Variants in SLCO4C1 observed in about 807,000 individuals in gnomAD.
SLCO4C1 encodes organic anion transporter M1.
A neutral mutation model predicts 72.1 loss-of-function variants in SLCO4C1; 58 were observed. The observed-to-expected ratio is 0.80, with a 90% CI of 0.65 to 1.00. The LOEUF (loss-of-function observed/expected upper bound fraction) is 1.00, where lower values mean the gene tolerates loss of function less well. Ranked by LOEUF, SLCO4C1 falls within the 50% of genes least tolerant of loss-of-function variation. The pLI, the probability that SLCO4C1 is intolerant of heterozygous loss-of-function variation, is 0.00. For synonymous variants in SLCO4C1, 297 were observed against 312.5 expected, an observed-to-expected ratio of 0.95 and a Z score of 0.52; for missense variants, 898 against 857.9, an observed-to-expected ratio of 1.05 and a Z score of -0.58.
intron 3 of SLCO4C1, among the ~76,000 whole-genome samples, chr5:102,264,833 C>T (rs1036436019): frequency 5.5e-5 from 4 of 72,102 alleles, no homozygotes; most frequent in African/African-American, 1.7e-4. Flanking sequence ...ATTCTATGAG[C>T]TGATATTTTT....
chr5:102,262,374 A>G (rs1305698877), intron 4 of SLCO4C1, among the ~76,000 whole-genome samples: 1 of 152,176 alleles, frequency 6.6e-6, no homozygotes, highest in Non-Finnish European at 1.5e-5. Context: ...TAAATTAAAT[A>G]TATATCACAG....
chr5:102,251,401 AC>A (rs1389290006), intron 8 of SLCO4C1, among the ~76,000 whole-genome samples: 5 of 152,262 alleles, frequency 3.3e-5, no homozygotes, highest in Admixed American at 6.5e-5. Context: ...ATTAAAGAAA[AC>A]TTTTGGATGT....
rs1273533158 is a variant in SLCO4C1, at chr5:102,263,725, T to G, written c.858A>C (p.Gly286=). 4 of 1,612,842 alleles carry G rather than the reference T, an allele frequency of 2.5e-6. No homozygotes were observed. In the Admixed American group the frequency reaches 5.0e-5, roughly 20 times the overall value. Reference sequence around the variant, plus strand: ...CATCAATGTATATGGTTAGCAGTTGTCCTCCCAATACATAGCCAATAGCAG... The same window carrying G: ...CATCAATGTATATGGTTAGCAGTTGGCCTCCCAATACATAGCCAATAGCAG... ...LGPAIGYVLG[G]QLLTIYIDVA... is the part of the protein sequence containing the mutation. The change falls in exon 4 of 13, where the codon GGA becomes GGC. Residue 286 remains glycine (G), a synonymous_variant. Transcript: ENST00000310954.
rs193292515 is a variant in SLCO4C1 at position 102,253,036 on chromosome 5, C to T, written c.1470-3248G>A. 3.4e-3 allele frequency among the ~76,000 whole-genome samples: 513 copies of T among 152,136 alleles called. 2 individuals are homozygous for T. The highest frequency in any genetic ancestry group is 0.012 in the African/African-American group (493 of 41,518). ...GGCTAAAATTTCCCTAAAACTATTG[C>T]AAAATATTGATATGCCTCTTTAAGA... On this transcript the variant is annotated intron_variant, in intron 8 of 12. Transcript: ENST00000310954.
At position 102,273,339 on chromosome 5, in the gene SLCO4C1, G is replaced by T. The variant is rs115710233; in HGVS notation, c.620-2533C>A. On this transcript the variant is annotated intron_variant, in intron 2 of 12. Coordinates refer to ENST00000310954, the MANE Select transcript of SLCO4C1 (RefSeq NM_180991.5). The stretch of plus-strand genomic sequence containing the variant: ...TTAAAATTGATCTATGATTTAAAAA[G>T]ATATGGAGAATCCCAGGAAAATCTG... 4.9e-3 allele frequency among the ~76,000 whole-genome samples: 739 copies of T among 152,164 alleles called. 7 individuals are homozygous for T. The highest frequency in any genetic ancestry group is 8.5e-3 in the Non-Finnish European group (575 of 67,974).
At position 102,239,395 on chromosome 5, in the gene SLCO4C1, G is replaced by A. The variant is rs370306016; in HGVS notation, c.1877-7C>T. On this transcript the variant is annotated splice_polypyrimidine_tract_variant and splice_region_variant and intron_variant, in intron 11 of 12. Coordinates refer to ENST00000310954, the MANE Select transcript of SLCO4C1 (RefSeq NM_180991.5). Reference sequence around the variant, plus strand: ...ATTGGTCCAGGAATTGTCCCTAAAAGAATTATGGGTGAAATATACAACAGT... The same window carrying A: ...ATTGGTCCAGGAATTGTCCCTAAAAAAATTATGGGTGAAATATACAACAGT... 24 of 1,553,974 alleles carry A rather than the reference G, an allele frequency of 1.5e-5. No homozygotes were observed. Among genetic ancestry groups the A allele is most frequent in the Non-Finnish European group, 2.1e-5 (24 of 1,150,780 alleles).
chr5:102,265,194 G>A (rs1268181815), intron 3 of SLCO4C1, among the ~76,000 whole-genome samples: 1 of 152,024 alleles, frequency 6.6e-6, no homozygotes, highest in Non-Finnish European at 1.5e-5. Context: ...AGTTGTTAAA[G>A]TTCTTTATAT....
Position 102,260,240 on chromosome 5 carries a change from A to G in SLCO4C1, c.1101T>C (p.Ser367=). ...TTAGAGCAGCTGGAAAATCTTTAAT[A>G]CTTTTTCCAAATTTCACATCTGCAT... ...NSNADVKFGK[S]IKDFPAALKN... is the part of the protein sequence containing the mutation. The change falls in exon 6 of 13, where the codon AGT becomes AGC. Residue 367 remains serine, a synonymous_variant. Transcript: ENST00000310954. The G allele has an allele frequency of 7.2e-7, 1 of 1,394,296 alleles. No individual in the cohort carries two copies. The highest frequency in any genetic ancestry group is 9.4e-7 in the Non-Finnish European group (1 of 1,064,658). The allele number at this position is 1,394,296 out of a possible 1,614,324, so 86.4% of individuals were successfully genotyped here. A position where few individuals can be genotyped will look rare whatever the true frequency, so the allele number is the denominator to read the frequency against.
intron 3 of SLCO4C1, among the ~76,000 whole-genome samples, chr5:102,269,407 G>A (rs773073977): frequency 3.3e-5 from 5 of 151,522 alleles, no homozygotes; most frequent in South Asian, 2.1e-4. Context: ...TCAAAAGACC[G>A]CTCTTCGTGG....
At chr5:102,242,176 T>C (rs902537673) in intron 10 of SLCO4C1, among the ~76,000 whole-genome samples, 2 of 152,226 alleles carry the variant, frequency 1.3e-5, no homozygotes, top group Non-Finnish European at 2.9e-5. Flanking sequence ...TAATCTCCTA[T>C]GCAGCAGTCC....
chr5:102,260,761 C>T (rs1248935539), intron 5 of SLCO4C1, among the ~76,000 whole-genome samples: 1 of 151,904 alleles, frequency 6.6e-6, no homozygotes, highest in Admixed American at 6.6e-5. Context: ...TCTCTTAATC[C>T]TAACATGCTT....
chr5:102,247,524 C>T (rs894280087), intron 9 of SLCO4C1, 82 bp from the exon 10 acceptor site: 1 of 885,598 alleles, frequency 1.1e-6, no homozygotes, highest in Non-Finnish European at 1.7e-6. Context: ...CTAGACATGG[C>T]AAACACTCTC....
chr5:102,290,321 T>G (rs1749528488), intron 2 of SLCO4C1, among the ~76,000 whole-genome samples: 1 of 152,240 alleles, frequency 6.6e-6, no homozygotes, highest in South Asian at 2.1e-4. Context: ...GAAATGATTT[T>G]AGGCGTGAGC....
rs1183738607 is a variant in SLCO4C1 at position 102,257,247 on chromosome 5, A to C, written c.1337T>G (p.Phe446Cys). 6.2e-7 allele frequency: 1 copy of C among 1,609,794 alleles called. No individual in the cohort carries two copies. ...CATTGTGTTTTTACATGTCATTCTG[A>C]ATTTTGAAACAAGGAAGCCACCTAA... Reference protein sequence around the residue: ...QILGGFLVSKFRMTCKNTMKF... With the variant: ...QILGGFLVSKCRMTCKNTMKF... The change falls in exon 8 of 13, where the codon TTC becomes TGC. Residue 446 changes from phenylalanine (F) to cysteine (C), a missense_variant. Transcript: ENST00000310954.
At chr5:102,252,327 A>G (rs1041643810) in intron 8 of SLCO4C1, among the ~76,000 whole-genome samples, 1 of 152,176 alleles carries the variant, frequency 6.6e-6, no homozygotes, top group African/African-American at 2.4e-5. Context: ...AACAAATTAA[A>G]GAGAAAAAAA....
At chr5:102,266,346 A>G (rs568887840) in intron 3 of SLCO4C1, among the ~76,000 whole-genome samples, 1 of 152,240 alleles carries the variant, frequency 6.6e-6, no homozygotes, top group East Asian at 1.9e-4. Context: ...ATGTTGAATA[A>G]GAGTGATGAA....
chr5:102,284,693 T>C (rs1251540632), intron 2 of SLCO4C1, among the ~76,000 whole-genome samples: 1 of 152,098 alleles, frequency 6.6e-6, no homozygotes, highest in African/African-American at 2.4e-5. Flanking sequence ...TCCTAATGCC[T>C]CTAGAAACTG....
chr5:102,260,249 A>G lies in SLCO4C1; in HGVS notation c.1092T>C (p.Phe364=). 1 of 1,404,122 alleles carries G rather than the reference A, an allele frequency of 7.1e-7. No homozygotes were observed. The highest frequency in any genetic ancestry group is 9.3e-7 in the Non-Finnish European group (1 of 1,069,728). 87.0% of individuals were successfully genotyped at this position (1,404,122 alleles called of 1,614,324 possible). A position where few individuals can be genotyped will look rare whatever the true frequency, so the allele number is the denominator to read the frequency against. ...HQSNSNADVK[F]GKSIKDFPAA... is the part of the protein sequence containing the mutation. ...CTGGAAAATCTTTAATACTTTTTCC[A>G]AATTTCACATCTGCATTACTATTAC... The change falls in exon 6 of 13, where the codon TTT becomes TTC. Residue 364 remains phenylalanine (F), a synonymous_variant. Coordinates refer to ENST00000310954, the MANE Select transcript of SLCO4C1 (RefSeq NM_180991.5).
In SLCO4C1 at chr5:102,247,423, C is replaced by T. The variant is rs1288480166; in HGVS notation, c.1640G>A (p.Cys547Tyr). 6.4e-7 allele frequency: 1 copy of T among 1,568,658 alleles called. No individual in the cohort carries two copies. The highest frequency in any genetic ancestry group is 8.7e-7 in the Non-Finnish European group (1 of 1,149,478). ...RKPKVYYNCS[C>Y]IERKTEITST... is the part of the protein sequence containing the mutation. ...TGTTATTTCTGTTTTCCTTTCAATACAGGAACAGTTGTAATATACCTAAAA... is the reference window on the plus strand; with the variant it reads ...TGTTATTTCTGTTTTCCTTTCAATATAGGAACAGTTGTAATATACCTAAAA... Residue 547 changes from cysteine (C) to tyrosine (Y), a missense_variant, in exon 10 of 13, where the codon TGT (cysteine) becomes TAT (tyrosine). Physicochemically the swap from Cys to Tyr is radical, Grantham distance 194. Coordinates refer to ENST00000310954, the MANE Select transcript of SLCO4C1 (RefSeq NM_180991.5).
Sources: allele counts gnomAD v4.1 joint callset (sites outside exome capture counted in the v4.1 genomes callset), GRCh38; gene constraint gnomAD v4.1.1; transcripts MANE v1.5; gene names NCBI Gene and HGNC (gene_info 2026-07-23, HGNC 2026-07-21).